Variants in TANK observed in about 807,000 individuals in gnomAD.
TANK encodes TRAF family member associated NFKB activator.
In TANK, 15 loss-of-function variants were observed where a neutral mutation model predicts 43.6. The ratio of observed to expected loss-of-function variants is 0.34; its 90% CI spans 0.23 to 0.53. The LOEUF is 0.53. Among genes scored for constraint, TANK ranks in the 20% least tolerant of loss-of-function variants. The pLI is 0.94. For missense variants in TANK, 417 were observed against 498.6 expected, an observed-to-expected ratio of 0.84 and a Z score of 1.56; for synonymous variants, 162 against 178.2, an observed-to-expected ratio of 0.91 and a Z score of 0.73.
chr2:161,137,633 T>TA, intron 1 of TANK, among the ~76,000 whole-genome samples: 1 of 152,274 alleles, frequency 6.6e-6, no homozygotes, highest in Non-Finnish European at 1.5e-5. Flanking sequence ...CTTTTTTGGT[T>TA]ATATTTTTAA....
At chr2:161,211,842 C>T (rs991667127) in intron 4 of TANK, 4 of 985,078 alleles carry the variant, frequency 4.1e-6, no homozygotes, top group Non-Finnish European at 4.8e-6. Flanking sequence ...TACTCCTTGC[C>T]TTGCAGTCCA....
rs774142309 is a variant in TANK at position 161,179,655 on chromosome 2, G to C, written c.-8G>C. The C allele has an allele frequency of 1.2e-6, 2 of 1,612,802 alleles. No homozygotes were observed. The highest frequency in any genetic ancestry group is 2.7e-5 in the African/African-American group (2 of 74,856). On this transcript the variant is annotated 5_prime_UTR_variant, in exon 2 of 8. Coordinates refer to ENST00000392749, the MANE Select transcript of TANK (RefSeq NM_001199135.3). The stretch of plus-strand genomic sequence containing the variant: ...ATCCTTTATAGTGATGCTACAGGAC[G>C]AAGAGGAATGGATAAAAACATTGGC...
intron 7 of TANK, among the ~76,000 whole-genome samples, chr2:161,234,009 G>T (rs1055345249): frequency 6.6e-6 from 1 of 151,844 alleles, no homozygotes; most frequent in Non-Finnish European, 1.5e-5. Flanking sequence ...TACTATTTTT[G>T]TAATAAAATT....
intron 1 of TANK, among the ~76,000 whole-genome samples, chr2:161,138,865 T>G (rs1658075614): frequency 6.6e-6 from 1 of 152,222 alleles, no homozygotes; most frequent in African/African-American, 2.4e-5. Context: ...CATAGAAACT[T>G]CCTGCCTGAA....
intron 2 of TANK, among the ~76,000 whole-genome samples, chr2:161,184,336 G>T (rs996691492): frequency 6.6e-6 from 1 of 152,084 alleles, no homozygotes; most frequent in Admixed American, 6.6e-5. Context: ...TATATATTAA[G>T]AACCTATTTC....
intron 1 of TANK, among the ~76,000 whole-genome samples, chr2:161,170,424 ACTG>A (rs1684892991): frequency 6.6e-6 from 1 of 152,184 alleles, no homozygotes; most frequent in Non-Finnish European, 1.5e-5. Flanking sequence ...TACCTTAGCA[ACTG>A]CTATTTTTGT....
chr2:161,214,683 T>C (rs1456513938), intron 4 of TANK, among the ~76,000 whole-genome samples: 2 of 152,286 alleles, frequency 1.3e-5, no homozygotes, highest in Non-Finnish European at 2.9e-5. Context: ...ATTGTGACAA[T>C]AGTTGATTTC....
rs1247506323 is a variant in TANK at position 161,179,728 on chromosome 2, T to C, written c.66T>C (p.Asp22=). The change falls in exon 2 of 8, where the codon GAT becomes GAC. Residue 22 remains aspartate (D), a synonymous_variant. Transcript: ENST00000392749. ...AAGCCTTCCGGCAGGCATGCATGGATAGAGATTCTGCAGTAAAAGAATTAC... is the reference window on the plus strand; with the variant it reads ...AAGCCTTCCGGCAGGCATGCATGGACAGAGATTCTGCAGTAAAAGAATTAC... The part of the protein sequence containing the change: ...AYEAFRQACM[D]RDSAVKELQQ... 1.2e-6 allele frequency: 2 copies of C among 1,612,480 alleles called. No homozygotes were observed. The highest frequency in any genetic ancestry group is 1.7e-6 in the Non-Finnish European group (2 of 1,179,186).
intron 1 of TANK, among the ~76,000 whole-genome samples, chr2:161,138,875 A>G (rs1016844028): frequency 3.3e-5 from 5 of 152,242 alleles, no homozygotes; most frequent in Non-Finnish European, 7.3e-5. Flanking sequence ...TCCTGCCTGA[A>G]TATTCTATTA....
intron 1 of TANK, among the ~76,000 whole-genome samples, chr2:161,143,154 A>G (rs1683801044): frequency 6.6e-6 from 1 of 151,946 alleles, no homozygotes; most frequent in Admixed American, 6.6e-5. Flanking sequence ...AATGCTTGTG[A>G]TTTTTGCACA....
At chr2:161,234,091 G>A (rs1163180461) in intron 7 of TANK, among the ~76,000 whole-genome samples, 1 of 152,120 alleles carries the variant, frequency 6.6e-6, no homozygotes, top group Non-Finnish European at 1.5e-5. Context: ...ATGTGTCTGG[G>A]TGCCTAGACA....
chr2:161,156,184 T>C, upstream of TANK: 1 of 985,440 alleles, frequency 1.0e-6, no homozygotes, highest in Non-Finnish European at 1.2e-6. Context: ...CCATTTCCTT[T>C]AATGGTTGTC....
chr2:161,166,203 A>T (rs974697393), intron 1 of TANK, among the ~76,000 whole-genome samples: 5 of 152,214 alleles, frequency 3.3e-5, no homozygotes, highest in Non-Finnish European at 5.9e-5. Flanking sequence ...TACAAAATTC[A>T]AATTCTAACA....
At chr2:161,176,929 G>A (rs1685197765) in intron 1 of TANK, among the ~76,000 whole-genome samples, 1 of 152,068 alleles carries the variant, frequency 6.6e-6, no homozygotes, top group African/African-American at 2.4e-5. Flanking sequence ...TTCTGTATTA[G>A]TTTATTATAG....
At chr2:161,232,393 A>T (rs1320412535) in intron 7 of TANK, among the ~76,000 whole-genome samples, 1 of 152,188 alleles carries the variant, frequency 6.6e-6, no homozygotes. Context: ...GAGATATTTA[A>T]TTTTTTTAAA....
At chr2:161,183,411 A>T (rs1685519501) in intron 2 of TANK, among the ~76,000 whole-genome samples, 1 of 152,152 alleles carries the variant, frequency 6.6e-6, no homozygotes. Flanking sequence ...GAAAGCAAAA[A>T]ACTCAACGTT....
rs764219705 is a variant in TANK, at chr2:161,179,707, C to T, written c.45C>T (p.Ala15=). 3.7e-6 allele frequency: 6 copies of T among 1,612,860 alleles called. No homozygotes were observed. Among genetic ancestry groups the T allele is most frequent in the African/African-American group, 2.7e-5 (2 of 74,862 alleles). The change falls in exon 2 of 8, where the codon GCC becomes GCT. Residue 15 remains alanine, a synonymous_variant. Transcript: ENST00000392749. ...IGEQLNKAYE[A]FRQACMDRDS... ...AGCAACTCAATAAAGCGTATGAAGC[C>T]TTCCGGCAGGCATGCATGGATAGAG...
chr2:161,190,463 A>C (rs1316938769), intron 2 of TANK, among the ~76,000 whole-genome samples: 2 of 152,228 alleles, frequency 1.3e-5, no homozygotes, highest in Non-Finnish European at 2.9e-5. Context: ...TTACATACCC[A>C]GAAGAAGTGA....
chr2:161,173,133 A>C (rs950025190), intron 1 of TANK, among the ~76,000 whole-genome samples: 1 of 152,168 alleles, frequency 6.6e-6, no homozygotes. Context: ...AGTGTACTCT[A>C]CAGCTCTATA....
Sources: allele counts gnomAD v4.1 joint callset (sites outside exome capture counted in the v4.1 genomes callset), GRCh38; gene constraint gnomAD v4.1.1; transcripts MANE v1.5; gene names NCBI Gene and HGNC (gene_info 2026-07-23, HGNC 2026-07-21).